The following SRPK2 variants were observed in gnomAD, a reference collection of about 807,000 sequenced individuals.
SRPK2 encodes SFRS protein kinase 2.
In SRPK2, 21 loss-of-function variants were observed where a neutral mutation model predicts 90.8. The observed-to-expected ratio is 0.23, with a 90% confidence interval of 0.16 to 0.33. The LOEUF (loss-of-function observed/expected upper bound fraction) is 0.33. Among genes scored for constraint, SRPK2 ranks in the 10% least tolerant of loss-of-function variants. The probability of loss-of-function intolerance (pLI) is 1.00; values close to 1 mark genes in which losing one functional copy is unlikely to be tolerated. For missense variants in SRPK2, 620 were observed against 869.0 expected (o/e 0.71, Z 3.60); for synonymous variants, 288 against 311.1 (o/e 0.93, Z 0.78).
intron 8 of SRPK2, among the ~76,000 whole-genome samples, chr7:105,145,563 AATACATCTCAAACAC>A (rs1378614834): frequency 2.6e-5 from 4 of 152,208 alleles, no homozygotes; most frequent in Non-Finnish European, 5.9e-5. Flanking sequence ...ATGAAATACT[AATACATCTCAAACAC>A]AGTCAAGCTC....
At chr7:105,276,755 T>C (rs1806552039) in intron 2 of SRPK2, among the ~76,000 whole-genome samples, 1 of 151,950 alleles carries the variant, frequency 6.6e-6, no homozygotes, top group Non-Finnish European at 1.5e-5. Flanking sequence ...AAGAAACAAA[T>C]ACGTGTTAAG....
At chr7:105,224,207 G>C (rs992912056) in intron 2 of SRPK2, among the ~76,000 whole-genome samples, 4 of 152,216 alleles carry the variant, frequency 2.6e-5, no homozygotes, top group Non-Finnish European at 4.4e-5. Flanking sequence ...TCATTCAAAA[G>C]TGATTTTATG....
chr7:105,327,123 A>G (rs1229801251), intron 2 of SRPK2, among the ~76,000 whole-genome samples: 1 of 152,194 alleles, frequency 6.6e-6, no homozygotes, highest in African/African-American at 2.4e-5. Context: ...ATAATGAGCA[A>G]TTTAGCAGCA....
intron 7 of SRPK2, among the ~76,000 whole-genome samples, chr7:105,153,734 C>T (rs1806096822): frequency 6.6e-6 from 1 of 152,200 alleles, no homozygotes; most frequent in Non-Finnish European, 1.5e-5. Flanking sequence ...TCTCCTCCTA[C>T]TCTGTGGGTA....
intron 3 of SRPK2, among the ~76,000 whole-genome samples, chr7:105,172,843 C>T (rs1229348415): frequency 6.6e-6 from 1 of 152,110 alleles, no homozygotes; most frequent in Non-Finnish European, 1.5e-5. Flanking sequence ...TAATATTTGT[C>T]ACTAAATTTA....
chr7:105,385,856 GTGAC>G (rs1231454648), intron 2 of SRPK2, among the ~76,000 whole-genome samples: 1 of 152,232 alleles, frequency 6.6e-6, no homozygotes, highest in East Asian at 1.9e-4. Context: ...AATCGACAGA[GTGAC>G]TGGCACAGTG....
chr7:105,300,554 A>G (rs1388814334), intron 2 of SRPK2, among the ~76,000 whole-genome samples: 1 of 152,238 alleles, frequency 6.6e-6, no homozygotes, highest in African/African-American at 2.4e-5. Flanking sequence ...ATGTCAGTAT[A>G]AAATTAAAAA....
chr7:105,249,760 G>A (rs1255138154), intron 2 of SRPK2, among the ~76,000 whole-genome samples: 1 of 152,084 alleles, frequency 6.6e-6, no homozygotes. Context: ...AGCAATAATA[G>A]TTAAATGCTT....
intron 2 of SRPK2, among the ~76,000 whole-genome samples, chr7:105,288,661 CAA>C (rs1808514404): frequency 1.3e-5 from 2 of 152,078 alleles, no homozygotes. Flanking sequence ...CAAAAAATAA[CAA>C]GTTTCTACTG....
chr7:105,394,266 C>T (rs868828422), upstream of SRPK2, among the ~76,000 whole-genome samples: 16 of 152,104 alleles, frequency 1.1e-4, no homozygotes, highest in Non-Finnish European at 8.8e-5. Flanking sequence ...CCTCAGCCTC[C>T]GAAGTAGCTG....
chr7:105,290,707 A>G (rs1405792164), intron 2 of SRPK2, among the ~76,000 whole-genome samples: 1 of 152,166 alleles, frequency 6.6e-6, no homozygotes, highest in Non-Finnish European at 1.5e-5. Flanking sequence ...GCACACGTCT[A>G]TACTACCAGC....
chr7:105,176,791 C>A (rs145965824), intron 3 of SRPK2, among the ~76,000 whole-genome samples: 6 of 151,470 alleles, frequency 4.0e-5, no homozygotes, highest in African/African-American at 4.9e-5. Context: ...ATATATACCA[C>A]GCCTGGCTAA....
At chr7:105,315,145 A>G (rs1340023350) in intron 2 of SRPK2, among the ~76,000 whole-genome samples, 4 of 152,200 alleles carry the variant, frequency 2.6e-5, no homozygotes, top group South Asian at 2.1e-4. Flanking sequence ...AAAGGAGCCT[A>G]GAATGATTCA....
chr7:105,166,567 C>T (rs180889758), intron 6 of SRPK2, among the ~76,000 whole-genome samples: 28 of 152,154 alleles, frequency 1.8e-4, no homozygotes, highest in South Asian at 4.1e-4. Context: ...ACTTGAGTGA[C>T]GAATTTACAA....
rs181590018 is a variant in SRPK2 at position 105,254,825 on chromosome 7, G to A, written c.72-51040C>T. Among the ~76,000 whole-genome samples, 420 of 151,782 alleles carry A rather than the reference G, an allele frequency of 2.8e-3. 4 individuals are homozygous for A. The highest frequency in any genetic ancestry group is 9.8e-3 in the African/African-American group (408 of 41,468). On this transcript the variant is annotated intron_variant, in intron 2 of 15. Transcript: ENST00000393651. ...CTGCCTCAGCCTCCTGAGGAGCTGG[G>A]ATTACAGGTGTACACCACCACACCC...
At chr7:105,162,621 T>A (rs1490721681) in intron 6 of SRPK2, among the ~76,000 whole-genome samples, 1 of 152,212 alleles carries the variant, frequency 6.6e-6, no homozygotes, top group Non-Finnish European at 1.5e-5. Flanking sequence ...TTTAAGAATG[T>A]AAGCACTACA....
intron 2 of SRPK2, among the ~76,000 whole-genome samples, chr7:105,251,351 T>C (rs984524062): frequency 6.6e-6 from 1 of 152,184 alleles, no homozygotes; most frequent in Non-Finnish European, 1.5e-5. Context: ...GAATACTCAG[T>C]AAGAAAGGAG....
chr7:105,192,655 T>C (rs1175378666), intron 3 of SRPK2, among the ~76,000 whole-genome samples: 1 of 152,210 alleles, frequency 6.6e-6, no homozygotes, highest in Non-Finnish European at 1.5e-5. Flanking sequence ...CTACTGTACA[T>C]TCCCACCAGC....
At chr7:105,177,712 A>C (rs747555257) in intron 3 of SRPK2, among the ~76,000 whole-genome samples, 4 of 152,094 alleles carry the variant, frequency 2.6e-5, no homozygotes, top group Non-Finnish European at 1.5e-5. Context: ...ACTGCTCTTA[A>C]AAAAACAAAA....
Sources: gnomAD v4.1 joint callset for allele counts (sites outside exome capture counted in the v4.1 genomes callset) on GRCh38, gnomAD v4.1.1 for gene constraint, MANE v1.5 for transcripts, NCBI Gene and HGNC (gene_info 2026-07-23, HGNC 2026-07-21) for gene names.